AASDH: variants seen among roughly 807,000 people sequenced by gnomAD.
AASDH encodes beta-alanine-activating enzyme.
AASDH carries 81 observed loss-of-function variants against 102.3 expected under a neutral mutation model. The observed-to-expected ratio is 0.79, with a 90% CI of 0.66 to 0.95. The LOEUF is 0.95. Among genes scored for constraint, AASDH ranks in the 40% least tolerant of loss-of-function variants. AASDH has a pLI of 0.00. For missense variants in AASDH, 1,203 were observed against 1,266.2 expected, an observed-to-expected ratio of 0.95 and a Z score of 0.76; for synonymous variants, 398 against 454.0, an observed-to-expected ratio of 0.88 and a Z score of 1.57.
intron 5 of AASDH, among the ~76,000 whole-genome samples, chr4:56,369,418 C>A (rs975535138): frequency 2.0e-5 from 3 of 152,136 alleles, no homozygotes; most frequent in African/African-American, 7.2e-5. Context: ...CCACAGAATT[C>A]ATGGAATGAC....
chr4:56,382,592 A>T lies in AASDH; in HGVS notation c.236T>A (p.Leu79His). ...AGGTACATAAGCAGCCGGGACTTGG[A>T]GAATTCTAAAGAAAAAAGTACACAG... ...IDLPSWILGI[L>H]QVPAAYVPIE... The change falls in exon 3 of 15, where the codon CTC becomes CAC. Residue 79 changes from leucine (L) to histidine (H), a missense_variant. Physicochemically the swap from Leu to His is moderately conservative, Grantham distance 99. Coordinates refer to ENST00000205214, the MANE Select transcript of AASDH (RefSeq NM_181806.4). The T allele has an allele frequency of 6.2e-7, 1 of 1,606,502 alleles. No individual in the cohort carries two copies. Among genetic ancestry groups the T allele is most frequent in the East Asian group, 2.2e-5 (1 of 44,610 alleles).
chr4:56,372,666 TAA>T (rs144462899), intron 4 of AASDH, among the ~76,000 whole-genome samples: 1,767 of 152,264 alleles, frequency 0.012, 30 homozygotes, highest in African/African-American at 0.041. Flanking sequence ...TCAGGTAAAA[TAA>T]AAACTCATTG....
rs750277656 is a variant in AASDH, at chr4:56,349,940, C to T, written c.1811G>A (p.Gly604Asp). 1 of 1,613,920 alleles carries T rather than the reference C, an allele frequency of 6.2e-7. No individual in the cohort carries two copies. The highest frequency in any genetic ancestry group is 2.2e-5 in the East Asian group (1 of 44,854). ...RLLSEIEKLV[G>D]TSVPGLLEII... ...TTCCAGAAGCCCAGGTACTGATGTA[C>T]CAACAAGTTTTTCAATCTCACTGAG... is the stretch of plus-strand genomic sequence containing the variant. Residue 604 changes from glycine (G) to aspartate (D), a missense_variant, in exon 11 of 15, where the codon GGT (glycine) becomes GAT (aspartate). Physicochemically the swap from Gly to Asp is moderately conservative, Grantham distance 94. Transcript: ENST00000205214.
At chr4:56,341,410 T>TTTTTTTTTTTG (rs1747669613) in intron 14 of AASDH, among the ~76,000 whole-genome samples, 1 of 136,810 alleles carries the variant, frequency 7.3e-6, no homozygotes, top group African/African-American at 2.7e-5. Flanking sequence ...TTTTTTTTTT[T>TTTTTTTTTTTG]GGAGACAGAG....
rs1338124995 is a variant in AASDH at position 56,342,932 on chromosome 4, C to T, written c.2810G>A (p.Gly937Glu). Residue 937 changes from glycine (G) to glutamate (E), a missense_variant, in exon 14 of 15, where the codon GGA becomes GAA. Gly to Glu is a moderately conservative substitution (Grantham distance 98). Transcript: ENST00000205214. ...TTGTGGGGAAGAGAAGAGTGGTTTTCCACAGGAATGTTTCCAAATAACGTT... is the reference window on the plus strand; with the variant it reads ...TTGTGGGGAAGAGAAGAGTGGTTTTTCACAGGAATGTTTCCAAATAACGTT... ...TGNVIWKHSC[G>E]KPLFSSPQCC... is the part of the protein sequence containing the mutation. 6.3e-7 allele frequency: 1 copy of T among 1,592,594 alleles called. No homozygotes were observed. Among genetic ancestry groups the T allele is most frequent in the Non-Finnish European group, 8.5e-7 (1 of 1,169,668 alleles).
intron 14 of AASDH, 76 bp from the exon 15 acceptor site, chr4:56,338,867 C>CTT (rs1560557279): frequency 7.2e-7 from 1 of 1,397,578 alleles, no homozygotes; most frequent in East Asian, 2.5e-5. Flanking sequence ...CTATGAGGTT[C>CTT]TTAATGCAAA....
chr4:56,371,529 A>C lies in AASDH; in HGVS notation c.783T>G (p.Ile261Met). 1 of 1,613,566 alleles carries C rather than the reference A, an allele frequency of 6.2e-7. No individual in the cohort carries two copies. Among genetic ancestry groups the C allele is most frequent in the Non-Finnish European group, 8.5e-7 (1 of 1,179,962 alleles). ...GGAGCAACTTGACGGAAGTTGGTAC[A>C]ATAAGCAGAGAGGCACCACTTGATA... ...LALSSGASLL[I>M]VPTSVKLLPS... Residue 261 changes from isoleucine (I) to methionine (M), a missense_variant, in exon 5 of 15, where the codon ATT becomes ATG. By Grantham distance (10) the Ile-to-Met change is conservative. Coordinates refer to ENST00000205214, the MANE Select transcript of AASDH (RefSeq NM_181806.4).
chr4:56,385,017 T>C (rs1245857980), intron 1 of AASDH, among the ~76,000 whole-genome samples: 2 of 152,162 alleles, frequency 1.3e-5, no homozygotes, highest in Non-Finnish European at 2.9e-5. Flanking sequence ...GAGGTTGCAG[T>C]GAGCCAAGAC....
rs755616015 is a variant in AASDH, at chr4:56,353,526, A to G, written c.1454T>C (p.Phe485Ser). 1.4e-5 allele frequency: 23 copies of G among 1,613,554 alleles called. No individual in the cohort carries two copies. The highest frequency in any genetic ancestry group is 1.6e-5 in the Non-Finnish European group (19 of 1,179,956). The stretch of plus-strand genomic sequence containing the variant: ...TACTGAAGCATCTTTAGACACCATG[A>G]AGAGAATTAATTTTTCCTGATTATA... ...TWYNQEKLIL[F>S]MVSKDASVKE... The change falls in exon 9 of 15, where the codon TTC becomes TCC. Residue 485 changes from phenylalanine (F) to serine (S), a missense_variant. Phe to Ser is a radical substitution (Grantham distance 155). Coordinates refer to ENST00000205214, the MANE Select transcript of AASDH (RefSeq NM_181806.4).
At chr4:56,362,692 C>T (rs1750452462) in intron 5 of AASDH, among the ~76,000 whole-genome samples, 1 of 152,102 alleles carries the variant, frequency 6.6e-6, no homozygotes, top group Non-Finnish European at 1.5e-5. Context: ...AGCAAAAATC[C>T]TTGATGACTT....
chr4:56,342,004 C>T (rs9312673), intron 14 of AASDH, among the ~76,000 whole-genome samples: 96,030 of 150,472 alleles, frequency 0.64, 30,633 homozygotes, highest in Admixed American at 0.72. Flanking sequence ...CCCAGCTACT[C>T]GGGAGGCTGA....
chr4:56,356,342 CAAT>C, intron 5 of AASDH: 2 of 1,572,442 alleles, frequency 1.3e-6, no homozygotes, highest in South Asian at 2.2e-5. Context: ...AGCCATCCCT[CAAT>C]AAGCGGCTGA....
chr4:56,356,829 CCACCGTCA>C (rs750646010), intron 5 of AASDH: 69 of 800,334 alleles, frequency 8.6e-5, no homozygotes, highest in Non-Finnish European at 1.5e-4. Context: ...ACGATGAGAT[CCACCGTCA>C]CTGGGGCGGC....
intron 5 of AASDH, 109 bp from the exon 6 acceptor site, chr4:56,355,532 G>T: frequency 9.7e-7 from 1 of 1,035,892 alleles, no homozygotes; most frequent in East Asian, 2.7e-5. Flanking sequence ...TGGAAATGAA[G>T]GCTGTGTTTA....
rs1749638241 is a variant in AASDH at position 56,356,349 on chromosome 4, C to T, written c.862-926G>A. ...CGGCAGAGAGCCATCCCTCAATAAG[C>T]GGCTGAAAGTGCCTCCTGCGATTAA... On this transcript the variant is annotated intron_variant, in intron 5 of 14. Transcript: ENST00000205214. 1.8e-5 allele frequency: 29 copies of T among 1,577,228 alleles called. No individual in the cohort carries two copies. In the South Asian group the frequency reaches 2.7e-4, roughly 14 times the overall value.
chr4:56,374,512 G>A (rs1219142651), intron 4 of AASDH, among the ~76,000 whole-genome samples: 1 of 151,964 alleles, frequency 6.6e-6, no homozygotes, highest in Non-Finnish European at 1.5e-5. Context: ...TTTACTCCCA[G>A]GAAGGCCATG....
At position 56,338,795 on chromosome 4, in the gene AASDH, T is replaced by TAAC. The variant is rs779391012; in HGVS notation, c.2908-7_2908-5dup. On this transcript the variant is annotated splice_region_variant and splice_polypyrimidine_tract_variant and intron_variant, in intron 14 of 14. Coordinates refer to ENST00000205214, the MANE Select transcript of AASDH (RefSeq NM_181806.4). ...CACTGGTAGAGAACTGCCAAACCTA[T>TAAC]AACAAGTAATAAAAATAAATATAAT... 1.7e-5 allele frequency: 27 copies of TAAC among 1,610,302 alleles called. No individual in the cohort carries two copies. Among genetic ancestry groups the TAAC allele is most frequent in the East Asian group, 2.2e-5 (1 of 44,836 alleles).
chr4:56,349,258 C>T lies in AASDH; in HGVS notation c.2488+5G>A. The T allele has an allele frequency of 6.2e-7, 1 of 1,613,176 alleles. No homozygotes were observed. Among genetic ancestry groups the T allele is most frequent in the Non-Finnish European group, 8.5e-7 (1 of 1,179,538 alleles). On this transcript the variant is annotated splice_donor_5th_base_variant and intron_variant, in intron 11 of 14. Coordinates refer to ENST00000205214, the MANE Select transcript of AASDH (RefSeq NM_181806.4). ...ACTCCACAAACCTCAAATTCAAAAACTTACCCACCACAATAAAGTTTCCAC... is the reference window on the plus strand; with the variant it reads ...ACTCCACAAACCTCAAATTCAAAAATTTACCCACCACAATAAAGTTTCCAC...
chr4:56,350,246 G>T (rs1210795084), intron 10 of AASDH, among the ~76,000 whole-genome samples, 188 bp from the exon 11 acceptor site: 2 of 152,206 alleles, frequency 1.3e-5, no homozygotes, highest in African/African-American at 4.8e-5. Context: ...CATGAGGTCA[G>T]GAGTTCGAGA....
Sources: allele counts gnomAD v4.1 joint callset (sites outside exome capture counted in the v4.1 genomes callset), GRCh38; gene constraint gnomAD v4.1.1; transcripts MANE v1.5; gene names NCBI Gene and HGNC (gene_info 2026-07-23, HGNC 2026-07-21).